The following CHGB variants were observed in gnomAD, a reference collection of about 807,000 sequenced individuals.
CHGB encodes the protein chromogranin B.
In CHGB, 46 loss-of-function variants were observed where a neutral mutation model predicts 69.9. That is an observed-to-expected ratio of 0.66 (90% confidence interval 0.52 to 0.84). CHGB has a LOEUF of 0.84. Among genes scored for constraint, CHGB ranks in the 40% least tolerant of loss-of-function variants. The pLI is 0.00. For synonymous variants in CHGB, 312 were observed against 298.2 expected, an observed-to-expected ratio of 1.05 and a Z score of -0.48; for missense variants, 796 against 822.2, an observed-to-expected ratio of 0.97 and a Z score of 0.39.
chr20:5,925,112 T>G lies in CHGB; in HGVS notation c.*63T>G, dbSNP rs2088542456. On this transcript the variant is annotated 3_prime_UTR_variant, in exon 5 of 5. Transcript: ENST00000378961. Reference sequence around the variant, plus strand: ...ATCACATGATCTGTTTTTCACCACTTCACTGAAAGACACCATTTATCTACC... The same window carrying G: ...ATCACATGATCTGTTTTTCACCACTGCACTGAAAGACACCATTTATCTACC... The G allele has an allele frequency of 2.8e-6, 3 of 1,079,796 alleles. No homozygotes were observed. The highest frequency in any genetic ancestry group is 2.8e-6 in the Non-Finnish European group (2 of 719,536). 66.9% of individuals were successfully genotyped at this position (1,079,796 alleles called of 1,614,324 possible). A position where few individuals can be genotyped will look rare whatever the true frequency, so the allele number is the denominator to read the frequency against.
At position 5,923,562 on chromosome 20, in the gene CHGB, A is replaced by G. The variant is rs1308615583; in HGVS notation, c.1418A>G (p.Asn473Ser). Residue 473 changes from asparagine to serine, a missense_variant, in exon 4 of 5, where the codon AAC (asparagine) becomes AGC (serine). Around this residue, in one of 3 missense-constraint regions of CHGB, gnomAD observed 274 missense variants for 298.9 expected, o/e 0.92. Coordinates refer to ENST00000378961, the MANE Select transcript of CHGB (RefSeq NM_001819.3). ...AAAGAGCTGGACAGAAATTATCTCA[A>G]CTACGGTGAGGAAGGAGCCCCAGGG... ...AWKELDRNYL[N>S]YGEEGAPGKW... is the part of the protein sequence containing the mutation. 1.2e-6 allele frequency: 2 copies of G among 1,614,156 alleles called. No homozygotes were observed. The highest frequency in any genetic ancestry group is 1.1e-5 in the South Asian group (1 of 91,076).
chr20:5,924,191 T>G, intron 4 of CHGB, 91 bp downstream of exon 4: 2 of 1,445,550 alleles, frequency 1.4e-6, no homozygotes, highest in Non-Finnish European at 1.8e-6. Context: ...GGGGAGAAAT[T>G]GGTGGGAATT....
Position 5,925,125 on chromosome 20 carries a change from C to A in CHGB, c.*76C>A. 1.1e-6 allele frequency: 1 copy of A among 924,874 alleles called. No individual in the cohort carries two copies. Among genetic ancestry groups the A allele is most frequent in the Non-Finnish European group, 1.7e-6 (1 of 585,940 alleles). The allele number at this position is 924,874 out of a possible 1,614,324, so 57.3% of individuals were successfully genotyped here. A position where few individuals can be genotyped will look rare whatever the true frequency, so the allele number is the denominator to read the frequency against. On this transcript the variant is annotated 3_prime_UTR_variant, in exon 5 of 5. Coordinates refer to ENST00000378961, the MANE Select transcript of CHGB (RefSeq NM_001819.3). The stretch of plus-strand genomic sequence containing the variant: ...TTTTTCACCACTTCACTGAAAGACA[C>A]CATTTATCTACCCAAGGGCAGAAAG...
rs554474675 is a variant in CHGB at position 5,922,631 on chromosome 20, G to A, written c.487G>A (p.Glu163Lys). 8.8e-5 allele frequency: 142 copies of A among 1,614,200 alleles called. 2 individuals carry two copies. In the Admixed American group the frequency reaches 2.1e-3, roughly 24 times the overall value. Residue 163 changes from glutamate to lysine, a missense_variant, in exon 4 of 5, where the codon GAG (glutamate) becomes AAG (lysine). Around this residue, in one of 3 missense-constraint regions of CHGB, gnomAD observed 518 missense variants for 506.3 expected, o/e 1.02. Transcript: ENST00000378961. Reference protein sequence around the residue: ...KTRHSEKSQREDEEEEEGENY... With the variant: ...KTRHSEKSQRKDEEEEEGENY... ...ACGCCATTCTGAGAAGAGCCAGAGA[G>A]AGGATGAGGAGGAGGAGGAGGGAGA...
intron 1 of CHGB, among the ~76,000 whole-genome samples, chr20:5,912,648 G>A (rs1271784516): frequency 1.3e-5 from 2 of 152,124 alleles, no homozygotes; most frequent in African/African-American, 4.8e-5. Flanking sequence ...GTGTGCATGT[G>A]TGTGTGTGTG....
chr20:5,919,728 C>G (rs1262344068), intron 3 of CHGB, among the ~76,000 whole-genome samples: 2 of 152,218 alleles, frequency 1.3e-5, no homozygotes, highest in Admixed American at 1.3e-4. Context: ...AGTTCTCTCT[C>G]TCTTGTTGGC....
chr20:5,921,320 G>A (rs2122574937), intron 3 of CHGB, among the ~76,000 whole-genome samples: 1 of 152,308 alleles, frequency 6.6e-6, no homozygotes, highest in Non-Finnish European at 1.5e-5. Flanking sequence ...GTGCTCAACA[G>A]CACTTGGGCT....
rs1420004307 is a variant in CHGB at position 5,911,678 on chromosome 20, G to T, written c.45G>T (p.Leu15=). The T allele has an allele frequency of 1.4e-6, 2 of 1,474,466 alleles. No homozygotes were observed. 91.3% of individuals were successfully genotyped at this position (1,474,466 alleles called of 1,614,324 possible). A position where few individuals can be genotyped will look rare whatever the true frequency, so the allele number is the denominator to read the frequency against. ...LLLSLLGAVG[L]AAVNSMPVDN... ...TCAGCCTCCTGGGAGCCGTGGGGCT[G>T]GCGGGTGAGTGGGCGCGGCGGGCCG... is the stretch of plus-strand genomic sequence containing the variant. The change falls in exon 1 of 5, where the codon CTG becomes CTT. Residue 15 remains leucine (L), a synonymous_variant. Transcript: ENST00000378961.
intron 4 of CHGB, 75 bp downstream of exon 4, chr20:5,924,175 A>G: frequency 1.4e-6 from 2 of 1,453,804 alleles, no homozygotes; most frequent in South Asian, 3.0e-5. Context: ...ACTATCCGAT[A>G]TTCACGGGGA....
rs1288974656 is a variant in CHGB at position 5,922,805 on chromosome 20, G to A, written c.661G>A (p.Ala221Thr). Residue 221 changes from alanine (A) to threonine (T), a missense_variant, in exon 4 of 5, where the codon GCT (alanine) becomes ACT (threonine). Ala to Thr is a moderately conservative substitution (Grantham distance 58). This residue lies in a region of CHGB where 518 missense variants were observed against 506.3 expected (regional missense o/e 1.02). Coordinates refer to ENST00000378961, the MANE Select transcript of CHGB (RefSeq NM_001819.3). ...EELVARSETH[A>T]AGHSQEKTHS... is the part of the protein sequence containing the mutation. ...GTTAGTGGCCAGATCGGAAACACAT[G>A]CTGCCGGGCATTCTCAGGAGAAGAC... 6.2e-7 allele frequency: 1 copy of A among 1,614,134 alleles called. No individual in the cohort carries two copies. Among genetic ancestry groups the A allele is most frequent in the East Asian group, 2.2e-5 (1 of 44,876 alleles).
At chr20:5,914,103 G>T (rs1172009337) in intron 1 of CHGB, among the ~76,000 whole-genome samples, 1 of 151,778 alleles carries the variant, frequency 6.6e-6, no homozygotes, top group African/African-American at 2.4e-5. Context: ...CTTTTAACAC[G>T]AGCAGTAGGT....
intron 3 of CHGB, among the ~76,000 whole-genome samples, chr20:5,920,626 C>T (rs2088508376): frequency 6.6e-6 from 1 of 152,188 alleles, no homozygotes; most frequent in South Asian, 2.1e-4. Flanking sequence ...TCAGAGGCCC[C>T]CACCTCCACG....
intron 3 of CHGB, among the ~76,000 whole-genome samples, chr20:5,918,246 GT>G (rs1380490388): frequency 1.3e-5 from 2 of 151,790 alleles, no homozygotes; most frequent in African/African-American, 4.8e-5. Flanking sequence ...GTTGGGTGTG[GT>G]GGCGGGCGCC....
intron 3 of CHGB, among the ~76,000 whole-genome samples, chr20:5,921,367 G>A (rs1157506329): frequency 6.6e-6 from 1 of 152,156 alleles, no homozygotes; most frequent in Admixed American, 6.5e-5. Flanking sequence ...GCTGTCAGTG[G>A]CCTTGGCTTC....
intron 3 of CHGB, among the ~76,000 whole-genome samples, chr20:5,920,329 A>C (rs533600911): frequency 6.6e-6 from 1 of 152,030 alleles, no homozygotes; most frequent in African/African-American, 2.4e-5. Flanking sequence ...ATTTCAACCA[A>C]CTCTCAGAAT....
chr20:5,911,686 A>T lies in CHGB; in HGVS notation c.49+4A>T. 1 of 1,462,858 alleles carries T rather than the reference A, an allele frequency of 6.8e-7. No individual in the cohort carries two copies. Among genetic ancestry groups the T allele is most frequent in the Non-Finnish European group, 9.0e-7 (1 of 1,113,228 alleles). 90.6% of individuals were successfully genotyped at this position (1,462,858 alleles called of 1,614,324 possible). A position where few individuals can be genotyped will look rare whatever the true frequency, so the allele number is the denominator to read the frequency against. On this transcript the variant is annotated splice_donor_region_variant and intron_variant, in intron 1 of 4. Coordinates refer to ENST00000378961, the MANE Select transcript of CHGB (RefSeq NM_001819.3). ...CTGGGAGCCGTGGGGCTGGCGGGTG[A>T]GTGGGCGCGGCGGGCCGGTCAGCAC...
Position 5,925,244 on chromosome 20 carries a change from G to T in CHGB, c.*195G>T, listed in dbSNP as rs2088543286. The T allele has an allele frequency of 4.4e-6, 2 of 450,988 alleles. No individual in the cohort carries two copies. 27.9% of individuals were successfully genotyped at this position (450,988 alleles called of 1,614,324 possible). On this transcript the variant is annotated 3_prime_UTR_variant, in exon 5 of 5. Transcript: ENST00000378961. The stretch of plus-strand genomic sequence containing the variant: ...GAAAATGTGAATTGCATGACTTGTA[G>T]CATATTCTTTTCTGCAAAATAGACA...
In CHGB at chr20:5,917,305, G is replaced by A; in HGVS notation, c.190+386G>A. ...GGTTTGTGATTAGATGAGGAGGGGG[G>A]TTATGGAAGTGTTGGACAATGACAG... On this transcript the variant is annotated intron_variant, in intron 3 of 4. Transcript: ENST00000378961. The A allele has an allele frequency of 1.6e-5, 3 of 182,080 alleles. 1 individual carries two copies. The South Asian group carries it at 3.8e-4, about 23-fold the overall frequency. The allele number at this position is 182,080 out of a possible 1,614,324, so 11.3% of individuals were successfully genotyped here. A position where few individuals can be genotyped will look rare whatever the true frequency, so the allele number is the denominator to read the frequency against.
At position 5,923,639 on chromosome 20, in the gene CHGB, G is replaced by A. The variant is rs781500542; in HGVS notation, c.1495G>A (p.Ala499Thr). The change falls in exon 4 of 5, where the codon GCT (alanine) becomes ACT (threonine). Residue 499 changes from alanine to threonine, a missense_variant. By Grantham distance (58) the Ala-to-Thr change is moderately conservative. Transcript: ENST00000378961. ...GGACACTAAAGAAAACAGGGAGGAA[G>A]CTAGGTTTCAAGATAAACAATATAG... ...LQDTKENREE[A>T]RFQDKQYSSH... The A allele has an allele frequency of 6.2e-7, 1 of 1,613,946 alleles. No individual in the cohort carries two copies. The highest frequency in any genetic ancestry group is 8.5e-7 in the Non-Finnish European group (1 of 1,179,886).
Sources: gnomAD v4.1 joint callset for allele counts (sites outside exome capture counted in the v4.1 genomes callset) on GRCh38, gnomAD v4.1.1 for gene constraint, gnomAD v4.1.1 regional missense constraint, MANE v1.5 for transcripts, NCBI Gene and HGNC (gene_info 2026-07-23, HGNC 2026-07-21) for gene names.